The following SLC4A10 variants were observed in gnomAD, a reference collection of about 807,000 sequenced individuals.
SLC4A10 encodes sodium-driven chloride bicarbonate exchanger.
Under a neutral mutation model 137.7 loss-of-function variants are expected in SLC4A10, and 42 were observed. The observed-to-expected ratio is 0.30, with a 90% CI of 0.24 to 0.39. SLC4A10 has a LOEUF of 0.39. SLC4A10 is among the 10% of genes least tolerant of loss of function. The pLI, the probability that SLC4A10 is intolerant of heterozygous loss-of-function variation, is 1.00. For missense variants in SLC4A10, 925 were observed against 1,355.0 expected (o/e 0.68, Z 4.98); for synonymous variants, 474 against 464.1 (o/e 1.02, Z -0.27).
Position 161,900,808 on chromosome 2 carries a change from A to G in SLC4A10, c.1342-103A>G, listed in dbSNP as rs1230817010. On this transcript the variant is annotated intron_variant, in intron 11 of 26. Transcript: ENST00000446997. ...AAGTACAGAGCCTGGGTTCTCAGCT[A>G]TTGTGCATATTGCTTCAAGGAAAAA... 1.7e-5 allele frequency: 13 copies of G among 748,988 alleles called. No individual in the cohort carries two copies. The South Asian group carries it at 2.2e-4, about 13-fold the overall frequency. The allele number at this position is 748,988 out of a possible 1,614,324, so 46.4% of individuals were successfully genotyped here. A position where few individuals can be genotyped will look rare whatever the true frequency, so the allele number is the denominator to read the frequency against.
At chr2:161,741,790 C>A (rs966810284) in intron 1 of SLC4A10, among the ~76,000 whole-genome samples, 1 of 152,178 alleles carries the variant, frequency 6.6e-6, no homozygotes, top group African/African-American at 2.4e-5. Context: ...ATATCCATTG[C>A]CTCAAGCATT....
chr2:161,897,637 C>T (rs1336201320), intron 11 of SLC4A10, among the ~76,000 whole-genome samples: 1 of 152,004 alleles, frequency 6.6e-6, no homozygotes, highest in Non-Finnish European at 1.5e-5. Context: ...TCAAAACTTA[C>T]CATTTTGTGA....
chr2:161,810,939 G>T (rs1431383105), intron 3 of SLC4A10, among the ~76,000 whole-genome samples: 3 of 151,976 alleles, frequency 2.0e-5, no homozygotes, highest in Non-Finnish European at 4.4e-5. Flanking sequence ...TAGTAGGATT[G>T]GTACCAGTTC....
intron 15 of SLC4A10, among the ~76,000 whole-genome samples, chr2:161,912,871 G>A (rs1180185370): frequency 6.6e-6 from 1 of 152,064 alleles, no homozygotes; most frequent in Non-Finnish European, 1.5e-5. Context: ...GAATCACATA[G>A]TCTCAAGTCC....
At chr2:161,807,445 T>C (rs1468098725) in intron 3 of SLC4A10, among the ~76,000 whole-genome samples, 1 of 152,110 alleles carries the variant, frequency 6.6e-6, no homozygotes, top group African/African-American at 2.4e-5. Context: ...TGCACTTTGT[T>C]CACCTTCTCA....
At chr2:161,796,166 A>C (rs938778155) in intron 2 of SLC4A10, among the ~76,000 whole-genome samples, 2 of 152,148 alleles carry the variant, frequency 1.3e-5, no homozygotes, top group Non-Finnish European at 2.9e-5. Flanking sequence ...TTATAATTTT[A>C]AATTTTTTCT....
At chr2:161,862,415 GA>G (rs1326475310) in intron 5 of SLC4A10, among the ~76,000 whole-genome samples, 1 of 151,976 alleles carries the variant, frequency 6.6e-6, no homozygotes, top group Admixed American at 6.6e-5. Flanking sequence ...TAGAAAATGG[GA>G]AAAAAATTAA....
Position 161,900,979 on chromosome 2 carries a change from A to G in SLC4A10, c.1410A>G (p.Gly470=). ...AAHGEAEPHG[G]HSGPELQRTG... ...ATGGGGAAGCAGAGCCCCACGGAGG[A>G]CATAGTGGACCTGAACTCCAGCGAA... is the stretch of plus-strand genomic sequence containing the variant. The change falls in exon 12 of 27, where the codon GGA becomes GGG. Residue 470 remains glycine (G), a synonymous_variant. Transcript: ENST00000446997. 6.4e-7 allele frequency: 1 copy of G among 1,568,234 alleles called. No homozygotes were observed. Among genetic ancestry groups the G allele is most frequent in the Non-Finnish European group, 8.7e-7 (1 of 1,155,874 alleles).
At chr2:161,815,404 G>A (rs1025916355) in intron 3 of SLC4A10, among the ~76,000 whole-genome samples, 2 of 152,070 alleles carry the variant, frequency 1.3e-5, no homozygotes, top group Admixed American at 1.3e-4. Flanking sequence ...TGTGAAGAAG[G>A]TGCCTACTTC....
chr2:161,646,999 T>C (rs1040847771), intron 1 of SLC4A10, among the ~76,000 whole-genome samples: 7 of 152,064 alleles, frequency 4.6e-5, no homozygotes, highest in African/African-American at 1.7e-4. Context: ...GTACTATTCT[T>C]GTAGCAGTGG....
In SLC4A10 at chr2:161,982,664, C is replaced by A. The variant is rs1367827055; in HGVS notation, c.*27-515C>A. The stretch of plus-strand genomic sequence containing the variant: ...TCTGGAGAGCAGCGTGCATGGTAAC[C>A]TGTCCTCCAGGCCAGTGGAGCTGTC... On this transcript the variant is annotated intron_variant, in intron 26 of 26. Transcript: ENST00000446997. Among the ~76,000 whole-genome samples, 4 of 152,174 alleles carry A rather than the reference C, an allele frequency of 2.6e-5. No homozygotes were observed. In the East Asian group the frequency reaches 7.7e-4, roughly 29 times the overall value.
At chr2:161,652,067 A>G (rs1259356703) in intron 1 of SLC4A10, among the ~76,000 whole-genome samples, 2 of 152,194 alleles carry the variant, frequency 1.3e-5, no homozygotes, top group Non-Finnish European at 2.9e-5. Context: ...CTCCACTGTA[A>G]AGTTACTATT....
chr2:161,890,736 CTT>C (rs529082628), intron 10 of SLC4A10, among the ~76,000 whole-genome samples: 90 of 152,276 alleles, frequency 5.9e-4, no homozygotes, highest in Non-Finnish European at 1.0e-3. Flanking sequence ...GGTCTTGACT[CTT>C]TATCCAAGTT....
intron 1 of SLC4A10, among the ~76,000 whole-genome samples, chr2:161,716,109 GT>G (rs780398443): frequency 2.0e-5 from 3 of 150,784 alleles, no homozygotes; most frequent in Non-Finnish European, 4.4e-5. Context: ...CTCTAAATAT[GT>G]TTTTTGGCTG....
intron 1 of SLC4A10, among the ~76,000 whole-genome samples, chr2:161,719,808 G>A (rs1023459796): frequency 3.6e-4 from 55 of 152,024 alleles, no homozygotes; most frequent in Admixed American, 7.2e-4. Context: ...TTTGTCAGAT[G>A]AGTAGGTTGC....
rs562268027 is a variant in SLC4A10, at chr2:161,939,692, G to T, written c.1998-3100G>T. Reference sequence around the variant, plus strand: ...TATTATTTTGTAACCATGGGTAAGTGTTAAGTAATTTGCCTAAAGATTGAT... The same window carrying T: ...TATTATTTTGTAACCATGGGTAAGTTTTAAGTAATTTGCCTAAAGATTGAT... On this transcript the variant is annotated intron_variant, in intron 15 of 26. Coordinates refer to ENST00000446997, the MANE Select transcript of SLC4A10 (RefSeq NM_001178015.2). Among the ~76,000 whole-genome samples, 183 of 152,124 alleles carry T rather than the reference G, an allele frequency of 1.2e-3. 1 individual carries two copies. The highest frequency in any genetic ancestry group is 4.2e-3 in the African/African-American group (175 of 41,514).
intron 3 of SLC4A10, among the ~76,000 whole-genome samples, chr2:161,826,626 A>C (rs1191030020): frequency 9.2e-5 from 14 of 152,206 alleles, no homozygotes; most frequent in African/African-American, 3.4e-4. Context: ...CAATATAAGT[A>C]ATATAGCTAA....
intron 1 of SLC4A10, among the ~76,000 whole-genome samples, chr2:161,753,907 T>TTTG (rs2049291076): frequency 6.6e-6 from 1 of 151,574 alleles, no homozygotes; most frequent in Admixed American, 6.6e-5. Flanking sequence ...TATTTATTTT[T>TTTG]GGGACAGAGC....
At chr2:161,656,880 T>G (rs141606309) in intron 1 of SLC4A10, among the ~76,000 whole-genome samples, 4 of 152,230 alleles carry the variant, frequency 2.6e-5, no homozygotes, top group African/African-American at 9.6e-5. Flanking sequence ...CATATTTCAT[T>G]TGGTTCTCAT....
Sources: allele counts gnomAD v4.1 joint callset (sites outside exome capture counted in the v4.1 genomes callset), GRCh38; gene constraint gnomAD v4.1.1; transcripts MANE v1.5; gene names NCBI Gene and HGNC (gene_info 2026-07-23, HGNC 2026-07-21).